Variants in FTCDNL1 observed in about 807,000 individuals in gnomAD.
FTCDNL1 encodes the protein formiminotransferase N-terminal subdomain-containing protein.
A neutral mutation model predicts 5.9 loss-of-function variants in FTCDNL1; 11 were observed. The observed-to-expected ratio is 1.87, with a 90% CI of 1.18 to 3.10. The LOEUF (loss-of-function observed/expected upper bound fraction) is 3.10. Ranked by LOEUF, FTCDNL1 falls within the 30% of genes most tolerant of loss-of-function variation. The pLI is 0.00. For missense variants in FTCDNL1, 115 were observed against 65.5 expected, an observed-to-expected ratio of 1.76 and a Z score of -2.61; for synonymous variants, 58 against 24.8, an observed-to-expected ratio of 2.34 and a Z score of -3.99.
At chr2:199,818,043 C>T (rs954581000) in intron 4 of FTCDNL1, among the ~76,000 whole-genome samples, 6 of 152,170 alleles carry the variant, frequency 3.9e-5, no homozygotes, top group Non-Finnish European at 7.3e-5. Context: ...ATTCTAACAG[C>T]ACTGCAAAAA....
At chr2:199,845,139 T>C (rs2076697168) in intron 3 of FTCDNL1, among the ~76,000 whole-genome samples, 1 of 152,240 alleles carries the variant, frequency 6.6e-6, no homozygotes, top group South Asian at 2.1e-4. Flanking sequence ...ATTGAATTAT[T>C]ATAGCTAAAT....
chr2:199,709,371 C>A, the FTCDNL1 span, among the ~76,000 whole-genome samples: 19 of 152,174 alleles, frequency 1.2e-4, no homozygotes, highest in South Asian at 3.9e-3. Flanking sequence ...CCAGTCCTAG[C>A]CAATAACAGC....
At chr2:199,718,606 G>T in the FTCDNL1 span, among the ~76,000 whole-genome samples, 2 of 152,036 alleles carry the variant, frequency 1.3e-5, no homozygotes, top group Admixed American at 6.6e-5. Flanking sequence ...TTTATTTTTA[G>T]TTATTTAAGG....
At chr2:199,820,165 G>T (rs1250542152) in intron 3 of FTCDNL1, among the ~76,000 whole-genome samples, 1 of 152,180 alleles carries the variant, frequency 6.6e-6, no homozygotes, top group Non-Finnish European at 1.5e-5. Context: ...TTGTTAGAAG[G>T]TATAAAAAGT....
chr2:199,726,271 T>G, the FTCDNL1 span, among the ~76,000 whole-genome samples: 1 of 152,236 alleles, frequency 6.6e-6, no homozygotes, highest in Non-Finnish European at 1.5e-5. Context: ...ATGGTTATTC[T>G]GGTTAACAGC....
the FTCDNL1 span, among the ~76,000 whole-genome samples, chr2:199,719,610 G>C: frequency 2.0e-5 from 3 of 150,562 alleles, no homozygotes; most frequent in Admixed American, 1.3e-4. Flanking sequence ...GATTATTTCA[G>C]GTAGTATGTT....
the FTCDNL1 span, among the ~76,000 whole-genome samples, chr2:199,673,327 C>CAAAAAAAAAAAA: frequency 2.9e-5 from 2 of 69,792 alleles, no homozygotes; most frequent in African/African-American, 1.2e-4. Flanking sequence ...GACTCTGTCT[C>CAAAAAAAAAAAA]AAAAAAAAAA....
intron 3 of FTCDNL1, among the ~76,000 whole-genome samples, chr2:199,796,502 T>C (rs1034214899): frequency 2.0e-5 from 3 of 152,224 alleles, no homozygotes; most frequent in African/African-American, 7.2e-5. Flanking sequence ...AAATTAACTT[T>C]ATTGAATTAC....
chr2:199,749,923 A>T, the FTCDNL1 span, among the ~76,000 whole-genome samples: 2 of 151,852 alleles, frequency 1.3e-5, no homozygotes, highest in East Asian at 3.9e-4. Context: ...CATCAAAAAG[A>T]CATCACAGCG....
chr2:199,735,044 T>C, the FTCDNL1 span, among the ~76,000 whole-genome samples: 2 of 139,092 alleles, frequency 1.4e-5, no homozygotes, highest in East Asian at 2.1e-4. Flanking sequence ...TCAAAACGCA[T>C]ATCAAGGCTT....
In FTCDNL1 at chr2:199,812,701, A is replaced by T. The variant is rs1338425845; in HGVS notation, c.*4T>A. 4 of 699,196 alleles carry T rather than the reference A, an allele frequency of 5.7e-6. No homozygotes were observed. The highest frequency in any genetic ancestry group is 1.0e-5 in the Non-Finnish European group (4 of 383,716). 43.3% of individuals were successfully genotyped at this position (699,196 alleles called of 1,614,324 possible). ...GAAATTCCAATTTTCTTCCAACACA[A>T]CTGTCACAACGCCCTGAAGCAAGCT... On this transcript the variant is annotated 3_prime_UTR_variant, in exon 5 of 5. Coordinates refer to ENST00000420128, the MANE Select transcript of FTCDNL1 (RefSeq NM_001363886.2).
chr2:199,668,668 A>G, the FTCDNL1 span, among the ~76,000 whole-genome samples: 2 of 152,174 alleles, frequency 1.3e-5, no homozygotes, highest in East Asian at 3.9e-4. Context: ...TCAGTTTCCT[A>G]TTATTATTAT....
chr2:199,687,689 A>C, the FTCDNL1 span, among the ~76,000 whole-genome samples: 1 of 152,232 alleles, frequency 6.6e-6, no homozygotes, highest in Admixed American at 6.5e-5. Context: ...TGAGTGATTA[A>C]AAAAACACAG....
chr2:199,667,127 A>G, the FTCDNL1 span, among the ~76,000 whole-genome samples: 12 of 152,288 alleles, frequency 7.9e-5, no homozygotes, highest in Middle Eastern at 3.4e-3. Flanking sequence ...CTATGTAAAA[A>G]TGAGGTTAAA....
At chr2:199,767,832 TTA>T (rs1698608303) in intron 3 of FTCDNL1, among the ~76,000 whole-genome samples, 1 of 152,206 alleles carries the variant, frequency 6.6e-6, no homozygotes, top group African/African-American at 2.4e-5. Context: ...GTTTCTGTTA[TTA>T]TATATCACCC....
the FTCDNL1 span, among the ~76,000 whole-genome samples, chr2:199,717,509 A>ATTTTGTTTTTTTTTTTT: frequency 1.7e-5 from 1 of 57,660 alleles, no homozygotes; most frequent in African/African-American, 7.2e-5. Context: ...CAAGGCAGAG[A>ATTTTGTTTTTTTTTTTT]TTTTTTTTTT....
At chr2:199,709,656 A>G in the FTCDNL1 span, among the ~76,000 whole-genome samples, 1 of 152,136 alleles carries the variant, frequency 6.6e-6, no homozygotes, top group African/African-American at 2.4e-5. Flanking sequence ...ATGAAAAATG[A>G]AAATCTGCCA....
chr2:199,837,834 T>C (rs1218183839), intron 3 of FTCDNL1, among the ~76,000 whole-genome samples: 3 of 152,208 alleles, frequency 2.0e-5, no homozygotes, highest in Admixed American at 6.5e-5. Context: ...ATAATGACCT[T>C]AGTTGATACG....
chr2:199,786,882 T>C (rs1278821092), intron 3 of FTCDNL1, among the ~76,000 whole-genome samples: 1 of 152,176 alleles, frequency 6.6e-6, no homozygotes, highest in Non-Finnish European at 1.5e-5. Context: ...TCTCATTGGG[T>C]GAAAATCAAG....
Sources: gnomAD v4.1 joint callset for allele counts (sites outside exome capture counted in the v4.1 genomes callset) on GRCh38, gnomAD v4.1.1 for gene constraint, MANE v1.5 for transcripts, NCBI Gene and HGNC (gene_info 2026-07-23, HGNC 2026-07-21) for gene names.